The following GRID2 variants were observed in gnomAD, a reference collection of about 807,000 sequenced individuals.
The protein encoded by GRID2 is glutamate receptor ionotropic, delta-2.
GRID2 carries 33 observed loss-of-function variants against 114.8 expected under a neutral mutation model. That is an observed-to-expected ratio of 0.29 (90% CI 0.22 to 0.38). The LOEUF is 0.38. GRID2 is among the 10% of genes least tolerant of loss of function. The probability of loss-of-function intolerance (pLI) is 1.00; values close to 1 mark genes in which losing one functional copy is unlikely to be tolerated. For synonymous variants in GRID2, 505 were observed against 449.9 expected (o/e 1.12, Z -1.55); for missense variants, 1,184 against 1,257.7 (o/e 0.94, Z 0.89).
chr4:93,581,165 A>C lies in GRID2; in HGVS notation c.2194-45104A>C, dbSNP rs562577489. On this transcript the variant is annotated intron_variant, in intron 13 of 15. Coordinates refer to ENST00000282020, the MANE Select transcript of GRID2 (RefSeq NM_001510.4). ...CTGTGTCCATGTGTTCTCATTGTTCAACTCCCGCTTATGAGCAAGAACATG... is the reference window on the plus strand; with the variant it reads ...CTGTGTCCATGTGTTCTCATTGTTCCACTCCCGCTTATGAGCAAGAACATG... Among the ~76,000 whole-genome samples the C allele has an allele frequency of 1.4e-4, 18 of 125,548 alleles. No individual in the cohort carries two copies. The East Asian group carries it at 4.1e-3, about 29-fold the overall frequency. 82.4% of individuals were successfully genotyped at this position (125,548 alleles called of 152,430 possible).
At chr4:93,391,063 A>G (rs1332826048) in intron 8 of GRID2, among the ~76,000 whole-genome samples, 1 of 152,160 alleles carries the variant, frequency 6.6e-6, no homozygotes, top group Non-Finnish European at 1.5e-5. Flanking sequence ...CATAATCTCA[A>G]GAACGACTAC....
intron 14 of GRID2, among the ~76,000 whole-genome samples, chr4:93,670,159 GGT>G: frequency 6.6e-6 from 1 of 152,134 alleles, no homozygotes; most frequent in East Asian, 1.9e-4. Context: ...CTTTGCACTA[GGT>G]ACAGTTTAGA....
At chr4:92,894,287 G>A (rs1747000468) in intron 2 of GRID2, among the ~76,000 whole-genome samples, 1 of 151,914 alleles carries the variant, frequency 6.6e-6, no homozygotes, top group Non-Finnish European at 1.5e-5. Context: ...TCCATGATTG[G>A]ATGTTTATTT....
intron 1 of GRID2, among the ~76,000 whole-genome samples, chr4:92,530,777 T>C (rs894514695): frequency 1.3e-5 from 2 of 148,310 alleles, no homozygotes; most frequent in Non-Finnish European, 3.0e-5. Context: ...CGTGGTGGCG[T>C]GTGCCTATAA....
intron 2 of GRID2, among the ~76,000 whole-genome samples, chr4:93,029,889 G>C (rs1248896298): frequency 1.3e-5 from 2 of 152,094 alleles, no homozygotes; most frequent in Non-Finnish European, 2.9e-5. Context: ...AAATAAACAT[G>C]CTTTATTCAT....
At chr4:92,661,241 A>G (rs1316278687) in intron 2 of GRID2, among the ~76,000 whole-genome samples, 1 of 151,030 alleles carries the variant, frequency 6.6e-6, no homozygotes, top group Non-Finnish European at 1.5e-5. Context: ...GAAAATTCTG[A>G]AATGTGACAA....
At chr4:93,205,003 C>T (rs958413106) in intron 4 of GRID2, among the ~76,000 whole-genome samples, 6 of 152,128 alleles carry the variant, frequency 3.9e-5, no homozygotes, top group South Asian at 2.1e-4. Context: ...TGGTTTACCC[C>T]CTTGTACAAC....
At chr4:93,775,047 T>C (rs967510792), downstream of GRID2, among the ~76,000 whole-genome samples, 1 of 152,064 alleles carries the variant, frequency 6.6e-6, no homozygotes, top group Non-Finnish European at 1.5e-5. Context: ...TTATTTCTAA[T>C]AGTTTTCCTG....
At chr4:93,159,299 T>C (rs1437807660) in intron 4 of GRID2, among the ~76,000 whole-genome samples, 1 of 151,776 alleles carries the variant, frequency 6.6e-6, no homozygotes, top group African/African-American at 2.4e-5. Context: ...TTCCAACCAA[T>C]GTTTCAAGGA....
intron 4 of GRID2, among the ~76,000 whole-genome samples, chr4:93,115,618 C>T (rs117248616): frequency 0.057 from 8,659 of 151,994 alleles, 410 homozygotes; most frequent in East Asian, 0.19. Flanking sequence ...ATACCTGAGA[C>T]TGGGTAATTT....
chr4:92,436,098 T>C (rs1174131887), intron 1 of GRID2, among the ~76,000 whole-genome samples: 22 of 152,292 alleles, frequency 1.4e-4, no homozygotes, highest in Admixed American at 1.4e-3. Flanking sequence ...GAAAGGAATA[T>C]TACTAATGGT....
intron 8 of GRID2, among the ~76,000 whole-genome samples, chr4:93,351,173 G>A (rs375930313): frequency 6.6e-5 from 10 of 152,032 alleles, no homozygotes; most frequent in Non-Finnish European, 1.0e-4. Context: ...CAGCCAAACC[G>A]TATCAATCAC....
chr4:92,551,880 G>A (rs1726608929), intron 1 of GRID2, among the ~76,000 whole-genome samples: 1 of 152,050 alleles, frequency 6.6e-6, no homozygotes, highest in South Asian at 2.1e-4. Flanking sequence ...TGCATTTTAA[G>A]TAAGAGAGAT....
intron 2 of GRID2, among the ~76,000 whole-genome samples, chr4:92,860,584 CT>C (rs1744463145): frequency 1.3e-5 from 2 of 152,056 alleles, no homozygotes; most frequent in South Asian, 4.1e-4. Context: ...CACCTTTTCT[CT>C]TGAAACTTAT....
At position 92,467,676 on chromosome 4, in the gene GRID2, C is replaced by G. The variant is rs78752498; in HGVS notation, c.89-122455C>G. 6.1e-3 allele frequency among the ~76,000 whole-genome samples: 931 copies of G among 152,066 alleles called. 7 individuals are homozygous for G. The highest frequency in any genetic ancestry group is 0.021 in the African/African-American group (886 of 41,534). On this transcript the variant is annotated intron_variant, in intron 1 of 15. Coordinates refer to ENST00000282020, the MANE Select transcript of GRID2 (RefSeq NM_001510.4). ...CCAAGTATGGAAAAGCATCTCTTCT[C>G]TTAATTTTCTTCCTCCAAATTAAGG... is the stretch of plus-strand genomic sequence containing the variant.
At chr4:93,778,867 T>C (rs1420766482), downstream of GRID2, among the ~76,000 whole-genome samples, 2 of 152,192 alleles carry the variant, frequency 1.3e-5, no homozygotes, top group East Asian at 1.9e-4. Flanking sequence ...TTTTAATGAG[T>C]ACAATTCTTT....
chr4:93,145,865 T>C (rs80026722), intron 4 of GRID2, among the ~76,000 whole-genome samples: 24 of 147,974 alleles, frequency 1.6e-4, no homozygotes, highest in Admixed American at 5.4e-4. Flanking sequence ...CACACACACA[T>C]ACACACACAC....
intron 2 of GRID2, among the ~76,000 whole-genome samples, chr4:92,832,959 A>T (rs187028388): frequency 2.7e-4 from 41 of 152,296 alleles, no homozygotes; most frequent in Non-Finnish European, 3.2e-4. Context: ...GTCAGTATAA[A>T]CTGACTTTAA....
chr4:92,444,701 T>G (rs1733353822), intron 1 of GRID2, among the ~76,000 whole-genome samples: 1 of 152,190 alleles, frequency 6.6e-6, no homozygotes, highest in South Asian at 2.1e-4. Context: ...TGTCTTCTCT[T>G]TTTAAATATC....
Sources: allele counts gnomAD v4.1 joint callset (sites outside exome capture counted in the v4.1 genomes callset), GRCh38; gene constraint gnomAD v4.1.1; transcripts MANE v1.5; gene names NCBI Gene and HGNC (gene_info 2026-07-23, HGNC 2026-07-21).